The following ATXN1 variants were observed in gnomAD, a reference collection of about 807,000 sequenced individuals.
The protein encoded by ATXN1 is ataxin 1, also known as ataxin-1.
A neutral mutation model predicts 56.4 loss-of-function variants in ATXN1; 8 were observed. The ratio of observed to expected loss-of-function variants is 0.14; its 90% CI spans 0.08 to 0.26. The LOEUF (loss-of-function observed/expected upper bound fraction) is 0.26, where lower values mean the gene tolerates loss of function less well. Ranked by LOEUF, ATXN1 falls within the 10% of genes least tolerant of loss-of-function variation. The probability of loss-of-function intolerance (pLI) is 1.00; values close to 1 mark genes in which losing one functional copy is unlikely to be tolerated. For missense variants in ATXN1, 987 were observed against 1,106.5 expected (o/e 0.89, Z 1.53); for synonymous variants, 514 against 494.6 (o/e 1.04, Z -0.52).
chr6:16,333,091 GAGT>G, intron 6 of ATXN1, among the ~76,000 whole-genome samples: 1 of 152,234 alleles, frequency 6.6e-6, no homozygotes, highest in Non-Finnish European at 1.5e-5. Flanking sequence ...CGTAAACACA[GAGT>G]TGATGGAGCC....
intron 3 of ATXN1, among the ~76,000 whole-genome samples, chr6:16,606,452 C>A (rs557856382): frequency 6.6e-6 from 1 of 151,882 alleles, no homozygotes; most frequent in African/African-American, 2.4e-5. Flanking sequence ...AGCTCTGGAG[C>A]CATGCAGGGG....
chr6:16,408,884 G>A (rs1758741652), intron 6 of ATXN1, among the ~76,000 whole-genome samples: 1 of 152,134 alleles, frequency 6.6e-6, no homozygotes, highest in Non-Finnish European at 1.5e-5. Flanking sequence ...GGGACTACAT[G>A]GATGAGCCAT....
chr6:16,420,838 T>A (rs1759017159), intron 6 of ATXN1, among the ~76,000 whole-genome samples: 1 of 152,204 alleles, frequency 6.6e-6, no homozygotes, highest in South Asian at 2.1e-4. Flanking sequence ...TCTCTCTCTC[T>A]CTCTGTCTCT....
chr6:16,536,219 C>CAAT lies in ATXN1; in HGVS notation c.-360-13534_-360-13532dup, dbSNP rs779730124. Among the ~76,000 whole-genome samples the CAAT allele has an allele frequency of 6.3e-4, 95 of 151,350 alleles. No homozygotes were observed. In the Middle Eastern group the frequency reaches 0.02, roughly 33 times the overall value. Reference sequence around the variant, plus strand: ...GCGACAGAGTGAGACCCTGTCTCAACAATAATAATAATAATAGTAATAATA... The same window carrying CAAT: ...GCGACAGAGTGAGACCCTGTCTCAACAATAATAATAATAATAATAGTAATAATA... On this transcript the variant is annotated intron_variant, in intron 4 of 7. Coordinates refer to ENST00000436367, the MANE Select transcript of ATXN1 (RefSeq NM_001128164.2).
chr6:16,358,742 G>A (rs757524156), intron 6 of ATXN1, among the ~76,000 whole-genome samples: 20 of 152,230 alleles, frequency 1.3e-4, no homozygotes, highest in South Asian at 4.1e-4. Context: ...GCAAGCAGGA[G>A]CCCCGCCCTC....
intron 3 of ATXN1, among the ~76,000 whole-genome samples, chr6:16,602,788 C>T (rs1335639590): frequency 3.3e-5 from 5 of 152,072 alleles, no homozygotes; most frequent in Non-Finnish European, 5.9e-5. Flanking sequence ...GATAAGGTAA[C>T]GTCTCCTACT....
chr6:16,356,157 A>G (rs1761684952), intron 6 of ATXN1, among the ~76,000 whole-genome samples: 1 of 152,250 alleles, frequency 6.6e-6, no homozygotes, highest in Non-Finnish European at 1.5e-5. Context: ...CTGGACATAC[A>G]GGGAAACACT....
intron 4 of ATXN1, among the ~76,000 whole-genome samples, chr6:16,571,344 A>G (rs1724374238): frequency 6.6e-6 from 1 of 152,196 alleles, no homozygotes; most frequent in African/African-American, 2.4e-5. Context: ...GTTTAAAAGG[A>G]CATAAAAAGA....
chr6:16,545,013 G>T (rs1268980905), intron 4 of ATXN1, among the ~76,000 whole-genome samples: 1 of 152,156 alleles, frequency 6.6e-6, no homozygotes, highest in African/African-American at 2.4e-5. Flanking sequence ...TCAGGTCCAG[G>T]TATGTAGAGA....
chr6:16,382,957 A>G (rs1300459346), intron 6 of ATXN1, among the ~76,000 whole-genome samples: 3 of 152,132 alleles, frequency 2.0e-5, no homozygotes, highest in African/African-American at 7.2e-5. Flanking sequence ...CACCATGCTC[A>G]GAAAGACTCC....
chr6:16,702,902 C>T (rs972239122), intron 2 of ATXN1, among the ~76,000 whole-genome samples: 1 of 152,104 alleles, frequency 6.6e-6, no homozygotes, highest in African/African-American at 2.4e-5. Flanking sequence ...ACTAGTTCAA[C>T]CATTGTGGAA....
At chr6:16,367,931 G>C (rs1761958045) in intron 6 of ATXN1, among the ~76,000 whole-genome samples, 1 of 152,052 alleles carries the variant, frequency 6.6e-6, no homozygotes, top group Non-Finnish European at 1.5e-5. Flanking sequence ...TGAGACATAG[G>C]CTGAGGCGGG....
chr6:16,682,279 C>G (rs1758830506), intron 2 of ATXN1, among the ~76,000 whole-genome samples: 1 of 146,640 alleles, frequency 6.8e-6, no homozygotes, highest in Admixed American at 7.1e-5. Flanking sequence ...TCACTGCAAC[C>G]TCCACCTCCC....
chr6:16,543,223 A>G (rs2113719227), intron 4 of ATXN1, among the ~76,000 whole-genome samples: 1 of 152,256 alleles, frequency 6.6e-6, no homozygotes, highest in Middle Eastern at 3.4e-3. Flanking sequence ...CGCAGCCACC[A>G]CCACCTCTCA....
rs902197444 is a variant in ATXN1, at chr6:16,586,799, T to C, written c.-488-892A>G. On this transcript the variant is annotated intron_variant, in intron 3 of 7. Coordinates refer to ENST00000436367, the MANE Select transcript of ATXN1 (RefSeq NM_001128164.2). Reference sequence around the variant, plus strand: ...ACTTTGGGAGGCTGAGGTGGGCGGATCATGAGGTCAGGAGATCGAGACCAT... The same window carrying C: ...ACTTTGGGAGGCTGAGGTGGGCGGACCATGAGGTCAGGAGATCGAGACCAT... Among the ~76,000 whole-genome samples the C allele has an allele frequency of 7.9e-5, 12 of 152,264 alleles. No homozygotes were observed. The East Asian group carries it at 2.3e-3, about 29-fold the overall frequency.
intron 3 of ATXN1, among the ~76,000 whole-genome samples, chr6:16,626,774 G>A (rs551302708): frequency 6.6e-6 from 1 of 152,218 alleles, no homozygotes; most frequent in African/African-American, 2.4e-5. Flanking sequence ...AACAAAATAA[G>A]GTCATATGAA....
chr6:16,491,367 C>T (rs1760661120), intron 5 of ATXN1, among the ~76,000 whole-genome samples: 1 of 150,786 alleles, frequency 6.6e-6, no homozygotes, highest in Admixed American at 6.6e-5. Context: ...TCACTGCAAC[C>T]TCTGCCTCCC....
intron 6 of ATXN1, among the ~76,000 whole-genome samples, chr6:16,448,487 A>G (rs1325221081): frequency 1.3e-5 from 2 of 152,210 alleles, no homozygotes; most frequent in East Asian, 3.8e-4. Context: ...TTTTGGGGGT[A>G]CAAGTGATAT....
At chr6:16,642,440 T>G (rs1271063088) in intron 3 of ATXN1, among the ~76,000 whole-genome samples, 2 of 152,192 alleles carry the variant, frequency 1.3e-5, no homozygotes, top group African/African-American at 4.8e-5. Context: ...TTTCATGAGA[T>G]GTAATCTACT....
Sources: gnomAD v4.1 joint callset for allele counts (sites outside exome capture counted in the v4.1 genomes callset) on GRCh38, gnomAD v4.1.1 for gene constraint, MANE v1.5 for transcripts, NCBI Gene and HGNC (gene_info 2026-07-23, HGNC 2026-07-21) for gene names.